Variants in NIN observed in about 807,000 individuals in gnomAD.
NIN encodes ninein.
Under a neutral mutation model 257.6 loss-of-function variants are expected in NIN, and 137 were observed. The observed-to-expected ratio is 0.53, with a 90% CI of 0.46 to 0.61. NIN has a LOEUF of 0.61. Ranked by LOEUF, NIN falls within the 20% of genes least tolerant of loss-of-function variation. NIN has a pLI of 0.00. For synonymous variants in NIN, 918 were observed against 919.8 expected, an observed-to-expected ratio of 1.00 and a Z score of 0.04; for missense variants, 2,439 against 2,501.2, an observed-to-expected ratio of 0.98 and a Z score of 0.53.
At chr14:50,777,390 A>G (rs574965962) in intron 6 of NIN, among the ~76,000 whole-genome samples, 1 of 152,306 alleles carries the variant, frequency 6.6e-6, no homozygotes, top group Admixed American at 6.5e-5. Flanking sequence ...CTCCTGTGCA[A>G]TACTGCAAAG....
chr14:50,750,115 CT>C (rs199546395), intron 21 of NIN, among the ~76,000 whole-genome samples: 3 of 151,192 alleles, frequency 2.0e-5, no homozygotes, highest in Non-Finnish European at 3.0e-5. Flanking sequence ...TTGACATGTC[CT>C]TTTTTTTTAA....
chr14:50,770,296 A>G, intron 12 of NIN, 92 bp downstream of exon 12: 1 of 1,291,510 alleles, frequency 7.7e-7, no homozygotes, highest in Non-Finnish European at 1.1e-6. Context: ...TTTGGACTGA[A>G]CCCTGTGCAA....
rs1039661283 is a variant in NIN at position 50,756,880 on chromosome 14, T to C, written c.4150A>G (p.Ile1384Val). ...TGGTTTTCTTGCTTACATTCCTCTATGACATGATGTACACTCCTAACCCTG... is the reference window on the plus strand; with the variant it reads ...TGGTTTTCTTGCTTACATTCCTCTACGACATGATGTACACTCCTAACCCTG... ...VPRVRSVHHV[I>V]EECKQENQYL... Residue 1384 changes from isoleucine to valine, a missense_variant, in exon 18 of 31, where the codon ATA becomes GTA. This residue lies in a region of NIN where 2,043 missense variants were observed against 2,050.2 expected (regional missense o/e 1.00). Transcript: ENST00000530997. 8 of 1,553,396 alleles carry C rather than the reference T, an allele frequency of 5.2e-6. No individual in the cohort carries two copies. The highest frequency in any genetic ancestry group is 4.7e-5 in the South Asian group (4 of 84,602).
chr14:50,767,608 G>A lies in NIN; in HGVS notation c.1435-718C>T, dbSNP rs554930753. 9.9e-3 allele frequency among the ~76,000 whole-genome samples: 1,510 copies of A among 152,150 alleles called. 25 individuals carry two copies. The highest frequency in any genetic ancestry group is 0.035 in the African/African-American group (1,451 of 41,462). ...CAAGGTGGGCGGATCATGAGGTCAG[G>A]AGATCGAGACCATCCTGGCGAACAC... is the stretch of plus-strand genomic sequence containing the variant. On this transcript the variant is annotated intron_variant, in intron 12 of 30. Coordinates refer to ENST00000530997, the MANE Select transcript of NIN (RefSeq NM_020921.4).
chr14:50,807,640 AGTTT>A (rs1386490389), intron 3 of NIN, among the ~76,000 whole-genome samples: 1 of 152,214 alleles, frequency 6.6e-6, no homozygotes, highest in African/African-American at 2.4e-5. Flanking sequence ...GTAAATTTGT[AGTTT>A]GTTCTGCTAT....
intron 25 of NIN, 86 bp from the exon 26 acceptor site, chr14:50,739,573 C>A: frequency 8.1e-7 from 1 of 1,240,216 alleles, no homozygotes; most frequent in Non-Finnish European, 1.1e-6. Flanking sequence ...TACCCAATGA[C>A]AACGACTCCT....
chr14:50,799,449 T>A (rs527949169), intron 4 of NIN, among the ~76,000 whole-genome samples: 1 of 152,134 alleles, frequency 6.6e-6, no homozygotes, highest in South Asian at 2.1e-4. Context: ...CAGTCCTCAA[T>A]CCTGAAGAGT....
chr14:50,782,987 C>G (rs150174691), intron 5 of NIN, among the ~76,000 whole-genome samples: 1 of 152,056 alleles, frequency 6.6e-6, no homozygotes, highest in Non-Finnish European at 1.5e-5. Context: ...TACGGCACAG[C>G]CTTCGAAAGC....
intron 3 of NIN, among the ~76,000 whole-genome samples, chr14:50,814,408 T>G (rs903957751): frequency 1.3e-5 from 2 of 152,292 alleles, no homozygotes; most frequent in East Asian, 3.9e-4. Context: ...ATACAGCAAG[T>G]TAACGGTGTC....
chr14:50,828,102 CAA>C (rs34448875), intron 2 of NIN, among the ~76,000 whole-genome samples: 288 of 138,460 alleles, frequency 2.1e-3, no homozygotes, highest in African/African-American at 5.4e-3. Flanking sequence ...ATGTTTGTTA[CAA>C]AAAAAAAAAA....
chr14:50,762,984 C>T (rs192554629), intron 15 of NIN, among the ~76,000 whole-genome samples: 7 of 152,112 alleles, frequency 4.6e-5, no homozygotes, highest in South Asian at 2.1e-4. Flanking sequence ...TAACAGCTGC[C>T]GAGATATATC....
rs1271743095 is a variant in NIN, at chr14:50,735,634, A to G, written c.5776-17T>C. ...CTGACTGACCTGTTTAAAAAAAACA[A>G]AATATTCCCTTGAAACAGAAACAAA... On this transcript the variant is annotated splice_polypyrimidine_tract_variant and intron_variant, in intron 27 of 30. Transcript: ENST00000530997. The G allele has an allele frequency of 6.2e-7, 1 of 1,601,380 alleles. No individual in the cohort carries two copies. Among genetic ancestry groups the G allele is most frequent in the Non-Finnish European group, 8.5e-7 (1 of 1,177,688 alleles).
intron 29 of NIN, among the ~76,000 whole-genome samples, chr14:50,728,029 G>A (rs371210836): frequency 6.6e-6 from 1 of 151,770 alleles, no homozygotes; most frequent in African/African-American, 2.4e-5. Flanking sequence ...GTAATAAGCC[G>A]TCCACTCTGT....
rs1566809599 is a variant in NIN, at chr14:50,756,488, T to C, written c.4538+4A>G. On this transcript the variant is annotated splice_donor_region_variant and intron_variant, in intron 18 of 30. Transcript: ENST00000530997. ...TCGTGACGTCTAGAAGGTACATACA[T>C]TACCTCAGAAGTTCAACTTTTTGCT... 1.3e-6 allele frequency: 2 copies of C among 1,587,912 alleles called. No individual in the cohort carries two copies. Among genetic ancestry groups the C allele is most frequent in the African/African-American group, 2.7e-5 (2 of 74,416 alleles).
At chr14:50,774,413 T>C (rs2042843842) in intron 7 of NIN, among the ~76,000 whole-genome samples, 4 of 152,238 alleles carry the variant, frequency 2.6e-5, no homozygotes, top group Non-Finnish European at 5.9e-5. Context: ...CCATTCTTGC[T>C]TTCATACGAC....
intron 9 of NIN, 78 bp from the exon 10 acceptor site, chr14:50,771,546 TACAA>T: frequency 2.0e-6 from 3 of 1,490,978 alleles, no homozygotes; most frequent in Non-Finnish European, 2.8e-6. Flanking sequence ...GTGAAGGCTA[TACAA>T]ACTCTGAGAG....
rs61755036 is a variant in NIN at position 50,763,872 on chromosome 14, C to T, written c.1728G>A (p.Pro576=). The T allele has an allele frequency of 2.5e-3, 4,021 of 1,613,738 alleles. 91 individuals carry two copies. In the African/African-American group the frequency reaches 0.048, roughly 19 times the overall value. The change falls in exon 15 of 31, where the codon CCG becomes CCA. Residue 576 remains proline (P), a synonymous_variant. Coordinates refer to ENST00000530997, the MANE Select transcript of NIN (RefSeq NM_020921.4). The part of the protein sequence containing the change: ...RVLRLPLKNS[P]SEEVEANSGG... Reference sequence around the variant, plus strand: ...CGCTGTTAGCCTCAACTTCTTCTGACGGTGAGTTCTTCAACGGAAGCCTGA... The same window carrying T: ...CGCTGTTAGCCTCAACTTCTTCTGATGGTGAGTTCTTCAACGGAAGCCTGA...
At chr14:50,812,474 T>TAC (rs1221465512) in intron 3 of NIN, among the ~76,000 whole-genome samples, 4 of 152,120 alleles carry the variant, frequency 2.6e-5, no homozygotes, top group African/African-American at 9.7e-5. Flanking sequence ...GATCAGGAGA[T>TAC]ACATGATCAA....
chr14:50,744,637 C>A (rs1054208642), intron 22 of NIN, among the ~76,000 whole-genome samples: 2 of 152,152 alleles, frequency 1.3e-5, no homozygotes, highest in African/African-American at 4.8e-5. Flanking sequence ...TTTAAAAAAC[C>A]AGTCAAGACT....
Sources: gnomAD v4.1 joint callset for allele counts (sites outside exome capture counted in the v4.1 genomes callset) on GRCh38, gnomAD v4.1.1 for gene constraint, gnomAD v4.1.1 regional missense constraint, MANE v1.5 for transcripts, NCBI Gene and HGNC (gene_info 2026-07-23, HGNC 2026-07-21) for gene names.